BMPR1A: variants seen among roughly 807,000 people sequenced by gnomAD.
BMPR1A encodes the protein bone morphogenetic protein receptor type 1A.
A neutral mutation model predicts 66.0 loss-of-function variants in BMPR1A; 7 were observed. The ratio of observed to expected loss-of-function variants is 0.11; its 90% confidence interval spans 0.06 to 0.20. The LOEUF is 0.20. Ranked by LOEUF, BMPR1A falls within the 10% of genes least tolerant of loss-of-function variation. The pLI is 1.00. For missense variants in BMPR1A, 408 were observed against 669.1 expected (o/e 0.61, Z 4.31); for synonymous variants, 200 against 229.7 (o/e 0.87, Z 1.17).
downstream of BMPR1A, chr10:86,932,833 G>A (rs1386136224): frequency 2.0e-5 from 3 of 152,204 alleles, no homozygotes; most frequent in Non-Finnish European, 2.9e-5. Flanking sequence ...CTAACAGTAG[G>A]AGTGACTTTG....
At chr10:86,899,547 G>A (rs761807590) in intron 5 of BMPR1A, among the ~76,000 whole-genome samples, 8 of 152,172 alleles carry the variant, frequency 5.3e-5, no homozygotes, top group Admixed American at 2.6e-4. Context: ...AATTACCTAA[G>A]TTCGGGTTTG....
At chr10:86,862,803 AT>A (rs1343714776) in intron 2 of BMPR1A, among the ~76,000 whole-genome samples, 1 of 151,992 alleles carries the variant, frequency 6.6e-6, no homozygotes, top group Non-Finnish European at 1.5e-5. Flanking sequence ...AAAAAAAAAG[AT>A]TTTAGACCTG....
intron 8 of BMPR1A, among the ~76,000 whole-genome samples, chr10:86,913,352 C>T (rs1843519692): frequency 6.9e-6 from 1 of 144,588 alleles, no homozygotes; most frequent in Non-Finnish European, 1.5e-5. Context: ...TGGTCTCAAA[C>T]TCCTGGCCTC....
intron 1 of BMPR1A, among the ~76,000 whole-genome samples, chr10:86,835,590 G>T (rs4933416): frequency 0.32 from 29,287 of 90,460 alleles, 4,574 homozygotes; most frequent in East Asian, 0.73. Flanking sequence ...AAAAAAAAAG[G>T]TGTTTTGGCC....
intron 1 of BMPR1A, among the ~76,000 whole-genome samples, chr10:86,790,095 G>GCAGTGAGC (rs1180253796): frequency 2.4e-5 from 3 of 123,290 alleles, no homozygotes; most frequent in South Asian, 6.8e-4. Flanking sequence ...GGCAGAGCTT[G>GCAGTGAGC]CAGTGAGCCG....
At chr10:86,837,219 A>G (rs888058184) in intron 1 of BMPR1A, among the ~76,000 whole-genome samples, 1 of 103,658 alleles carries the variant, frequency 9.6e-6, no homozygotes, top group Non-Finnish European at 1.9e-5. Context: ...ATCTGGCAGA[A>G]TTAGAATCAG....
chr10:86,859,772 T>G (rs1162252328), intron 2 of BMPR1A, among the ~76,000 whole-genome samples: 2 of 152,090 alleles, frequency 1.3e-5, no homozygotes, highest in Non-Finnish European at 2.9e-5. Context: ...ATTGCGCCAC[T>G]GCACTCCAGC....
chr10:86,812,517 A>G (rs987551607), intron 1 of BMPR1A, among the ~76,000 whole-genome samples: 2 of 152,124 alleles, frequency 1.3e-5, no homozygotes, highest in African/African-American at 2.4e-5. Context: ...GTTACATTTC[A>G]CCAGCTAAGT....
intron 7 of BMPR1A, among the ~76,000 whole-genome samples, chr10:86,908,118 T>G (rs1035402217): frequency 2.0e-5 from 3 of 152,082 alleles, no homozygotes; most frequent in Non-Finnish European, 2.9e-5. Flanking sequence ...GTGGGAGGAT[T>G]GCTTGAGCCC....
rs865914861 is a variant in BMPR1A, at chr10:86,776,616, C to G, written c.-268+19697C>G. Reference sequence around the variant, plus strand: ...GGCCTGGAGGGGTTATCCTTTACCCCCTTTGCTACTTCCAGATCACTCTCC... The same window carrying G: ...GGCCTGGAGGGGTTATCCTTTACCCGCTTTGCTACTTCCAGATCACTCTCC... On this transcript the variant is annotated intron_variant, in intron 1 of 12. Coordinates refer to ENST00000372037, the MANE Select transcript of BMPR1A (RefSeq NM_004329.3). 5.3e-5 allele frequency among the ~76,000 whole-genome samples: 8 copies of G among 152,074 alleles called. No individual in the cohort carries two copies. The South Asian group carries it at 6.2e-4, about 12-fold the overall frequency.
intron 1 of BMPR1A, among the ~76,000 whole-genome samples, chr10:86,805,629 T>A (rs1287864247): frequency 6.6e-6 from 1 of 151,970 alleles, no homozygotes; most frequent in Non-Finnish European, 1.5e-5. Flanking sequence ...GCTGGGCTAA[T>A]TTTTTGTATT....
chr10:86,773,550 G>T (rs571540142), intron 1 of BMPR1A, among the ~76,000 whole-genome samples: 7 of 141,992 alleles, frequency 4.9e-5, no homozygotes, highest in Non-Finnish European at 7.5e-5. Context: ...CCGAGATCAC[G>T]CCACTGCATT....
At chr10:86,820,979 A>G (rs993398527) in intron 1 of BMPR1A, among the ~76,000 whole-genome samples, 1 of 152,232 alleles carries the variant, frequency 6.6e-6, no homozygotes, top group Non-Finnish European at 1.5e-5. Context: ...ATCAACTGTA[A>G]TACCAGCAGT....
rs1302237698 is a variant in BMPR1A at position 86,924,961 on chromosome 10, A to G, written c.*1242A>G. 2 of 232,142 alleles carry G rather than the reference A, an allele frequency of 8.6e-6. No homozygotes were observed. The highest frequency in any genetic ancestry group is 4.4e-5 in the African/African-American group (2 of 45,322). The allele number at this position is 232,142 out of a possible 1,614,324, so 14.4% of individuals were successfully genotyped here. ...GGGTAATATCATCTCAATTTTTTCA[A>G]ATGAAAGGATTCTCTAATTAGAAAT... On this transcript the variant is annotated 3_prime_UTR_variant, in exon 13 of 13. Transcript: ENST00000372037.
intron 7 of BMPR1A, among the ~76,000 whole-genome samples, chr10:86,911,445 G>A (rs954735101): frequency 6.6e-6 from 1 of 152,068 alleles, no homozygotes; most frequent in Non-Finnish European, 1.5e-5. Context: ...TGAATAATGT[G>A]CAATAAACAC....
At position 86,802,226 on chromosome 10, in the gene BMPR1A, G is replaced by A. The variant is rs189353927; in HGVS notation, c.-267-36639G>A. 1.6e-4 allele frequency among the ~76,000 whole-genome samples: 24 copies of A among 152,288 alleles called. No individual in the cohort carries two copies. The East Asian group carries it at 4.6e-3, about 29-fold the overall frequency. On this transcript the variant is annotated intron_variant, in intron 1 of 12. Transcript: ENST00000372037. ...CTTTCAGCACAGTCCAGATGGTGGTGAGGGACGCTCCAGATCAGGGCTGAG... is the reference window on the plus strand; with the variant it reads ...CTTTCAGCACAGTCCAGATGGTGGTAAGGGACGCTCCAGATCAGGGCTGAG...
intron 1 of BMPR1A, among the ~76,000 whole-genome samples, chr10:86,763,203 C>T (rs1226756003): frequency 6.6e-6 from 1 of 152,040 alleles, no homozygotes; most frequent in African/African-American, 2.4e-5. Context: ...CAGAAGTATT[C>T]GGTAAAGTGA....
intron 1 of BMPR1A, among the ~76,000 whole-genome samples, chr10:86,829,900 T>G (rs975038229): frequency 6.6e-6 from 1 of 152,194 alleles, no homozygotes; most frequent in Admixed American, 6.5e-5. Flanking sequence ...AAATTTTTAT[T>G]TCTTTGGGAG....
At chr10:86,869,416 C>T (rs532871727) in intron 2 of BMPR1A, among the ~76,000 whole-genome samples, 2 of 147,584 alleles carry the variant, frequency 1.4e-5, no homozygotes, top group African/African-American at 5.0e-5. Context: ...GAGGTTGCAC[C>T]ACTGCAGTCC....
Sources: allele counts gnomAD v4.1 joint callset (sites outside exome capture counted in the v4.1 genomes callset), GRCh38; gene constraint gnomAD v4.1.1; transcripts MANE v1.5; gene names NCBI Gene and HGNC (gene_info 2026-07-23, HGNC 2026-07-21).